Variants in HSF2BP observed in about 807,000 individuals in gnomAD.
HSF2BP encodes the protein heat shock transcription factor 2 binding protein.
HSF2BP carries 35 observed loss-of-function variants against 35.0 expected under a neutral mutation model. The observed-to-expected ratio is 1.00, with a 90% CI of 0.76 to 1.32. The LOEUF (loss-of-function observed/expected upper bound fraction) is 1.32. HSF2BP is among the 40% of genes most tolerant of loss of function. The pLI is 0.00. For missense variants in HSF2BP, 326 were observed against 321.7 expected (o/e 1.01, Z -0.10); for synonymous variants, 114 against 117.4 (o/e 0.97, Z 0.18).
At position 43,630,354 on chromosome 21, in the gene HSF2BP, T is replaced by A; in HGVS notation, c.542A>T (p.Gln181Leu). 6.2e-7 allele frequency: 1 copy of A among 1,612,918 alleles called. No homozygotes were observed. The highest frequency in any genetic ancestry group is 8.5e-7 in the Non-Finnish European group (1 of 1,179,644). Residue 181 changes from glutamine to leucine, a missense_variant, in exon 6 of 9, where the codon CAG becomes CTG. Coordinates refer to ENST00000291560, the MANE Select transcript of HSF2BP (RefSeq NM_007031.2). ...AATTCCAGCCAGAGCGAAAACAAAC[T>A]GACTTTCATCCGAATCCAGCTCCTG... ...DVQELDSDES[Q>L]FVFALAGIVT...
At chr21:43,637,631 AC>A (rs919912920) in intron 4 of HSF2BP, among the ~76,000 whole-genome samples, 4 of 151,190 alleles carry the variant, frequency 2.6e-5, no homozygotes, top group Non-Finnish European at 4.4e-5. Flanking sequence ...ACACAGCAAG[AC>A]CCTATCTCTA....
intron 5 of HSF2BP, 104 bp from the exon 6 acceptor site, chr21:43,630,558 T>C (rs1601695287): frequency 3.7e-6 from 5 of 1,336,206 alleles, no homozygotes; most frequent in Non-Finnish European, 4.9e-6. Flanking sequence ...TTGTAGAATA[T>C]TGTAAAATCT....
intron 7 of HSF2BP, among the ~76,000 whole-genome samples, chr21:43,612,425 G>C (rs1408590637): frequency 6.6e-6 from 1 of 152,170 alleles, no homozygotes; most frequent in Non-Finnish European, 1.5e-5. Context: ...GCCAAGGCGG[G>C]TGGATCACGA....
chr21:43,623,532 C>T (rs1259557833), intron 6 of HSF2BP, among the ~76,000 whole-genome samples: 2 of 152,190 alleles, frequency 1.3e-5, no homozygotes, highest in East Asian at 3.9e-4. Context: ...AGGTTATCTC[C>T]GTAGTCCAAC....
chr21:43,658,157 C>T lies in HSF2BP; in HGVS notation c.-61G>A. On this transcript the variant is annotated 5_prime_UTR_variant, in exon 2 of 9. Transcript: ENST00000291560. ...CGGCGCGCCCTCTGACCCCTCACGCCAGAAAGCGCGGGAACGAATCCACGC... is the reference window on the plus strand; with the variant it reads ...CGGCGCGCCCTCTGACCCCTCACGCTAGAAAGCGCGGGAACGAATCCACGC... The T allele has an allele frequency of 6.8e-7, 1 of 1,461,800 alleles. No homozygotes were observed. The highest frequency in any genetic ancestry group is 9.0e-7 in the Non-Finnish European group (1 of 1,108,928). The allele number at this position is 1,461,800 out of a possible 1,614,324, so 90.6% of individuals were successfully genotyped here. A position where few individuals can be genotyped will look rare whatever the true frequency, so the allele number is the denominator to read the frequency against.
intron 8 of HSF2BP, among the ~76,000 whole-genome samples, chr21:43,584,939 C>G (rs973244780): frequency 1.3e-5 from 2 of 152,112 alleles, no homozygotes; most frequent in African/African-American, 4.8e-5. Context: ...TCTCTGTTAA[C>G]CTCTCTGTCC....
At chr21:43,616,557 C>A (rs964679878) in intron 6 of HSF2BP, among the ~76,000 whole-genome samples, 1 of 152,218 alleles carries the variant, frequency 6.6e-6, no homozygotes, top group South Asian at 2.1e-4. Context: ...GCAGGAGAAT[C>A]ATTTGAACCC....
the HSF2BP span, among the ~76,000 whole-genome samples, chr21:43,499,843 TCA>T: frequency 2.6e-5 from 3 of 115,600 alleles, 1 homozygote; most frequent in Non-Finnish European, 3.9e-5. Flanking sequence ...CACAGCCACA[TCA>T]CACACCATAC....
intron 7 of HSF2BP, among the ~76,000 whole-genome samples, chr21:43,603,628 T>G (rs1314803487): frequency 6.6e-6 from 1 of 152,132 alleles, no homozygotes; most frequent in Non-Finnish European, 1.5e-5. Context: ...ACTGAAAAGC[T>G]ATGACCACTA....
intron 8 of HSF2BP, among the ~76,000 whole-genome samples, chr21:43,576,587 C>T (rs1421646213): frequency 6.6e-6 from 1 of 152,182 alleles, no homozygotes; most frequent in East Asian, 1.9e-4. Flanking sequence ...CCCTCCACTA[C>T]CACATCACAT....
At chr21:43,467,828 CACACACCACACACCACAT>C in the HSF2BP span, among the ~76,000 whole-genome samples, 5 of 139,804 alleles carry the variant, frequency 3.6e-5, no homozygotes, top group East Asian at 2.1e-4. Context: ...ACACACACCA[CACACACCACACACCACAT>C]ACACACCACA....
At position 43,649,243 on chromosome 21, in the gene HSF2BP, T is replaced by A. The variant is rs114412549; in HGVS notation, c.188-4851A>T. Among the ~76,000 whole-genome samples, 1,302 of 150,806 alleles carry A rather than the reference T, an allele frequency of 8.6e-3. 19 individuals are homozygous for A. Among genetic ancestry groups the A allele is most frequent in the African/African-American group, 0.029 (1,169 of 40,644 alleles). On this transcript the variant is annotated intron_variant, in intron 3 of 8. Coordinates refer to ENST00000291560, the MANE Select transcript of HSF2BP (RefSeq NM_007031.2). ...CTTTTGTTTGTTTTTCAGTTTGGGG[T>A]TTTTTTTATTTTTTTGAAAAAAAAT... is the stretch of plus-strand genomic sequence containing the variant.
intron 7 of HSF2BP, among the ~76,000 whole-genome samples, chr21:43,612,455 T>G (rs1013639332): frequency 6.6e-6 from 1 of 151,872 alleles, no homozygotes; most frequent in Non-Finnish European, 1.5e-5. Context: ...ATTGAGACCA[T>G]CCTGGCTAAC....
intron 3 of HSF2BP, among the ~76,000 whole-genome samples, chr21:43,646,334 A>T (rs2082708432): frequency 6.6e-6 from 1 of 152,222 alleles, no homozygotes; most frequent in Admixed American, 6.5e-5. Context: ...TATGCTTTAA[A>T]AACTACATAC....
intron 8 of HSF2BP, among the ~76,000 whole-genome samples, chr21:43,585,655 A>AC (rs1230612125): frequency 1.3e-5 from 2 of 152,140 alleles, no homozygotes; most frequent in Non-Finnish European, 2.9e-5. Context: ...CAAAAAAAAA[A>AC]AAAACACCTA....
Position 43,605,304 on chromosome 21 carries a change from C to T in HSF2BP, c.692+8526G>A, listed in dbSNP as rs542661930. On this transcript the variant is annotated intron_variant, in intron 7 of 8. Transcript: ENST00000291560. ...CACACATCACACCCCACACACAACACACCAGCTGACTGCACTAACTGCCCC... is the reference window on the plus strand; with the variant it reads ...CACACATCACACCCCACACACAACATACCAGCTGACTGCACTAACTGCCCC... 1.4e-4 allele frequency among the ~76,000 whole-genome samples: 21 copies of T among 150,682 alleles called. No individual in the cohort carries two copies. The East Asian group carries it at 3.9e-3, about 28-fold the overall frequency.
intron 6 of HSF2BP, among the ~76,000 whole-genome samples, chr21:43,628,475 G>A (rs1017579681): frequency 6.6e-6 from 1 of 152,226 alleles, no homozygotes; most frequent in African/African-American, 2.4e-5. Flanking sequence ...AAGGCTGACA[G>A]GGGTAAGGAA....
intron 3 of HSF2BP, among the ~76,000 whole-genome samples, chr21:43,649,522 G>A (rs2082754525): frequency 6.6e-6 from 1 of 152,044 alleles, no homozygotes; most frequent in Non-Finnish European, 1.5e-5. Context: ...TATTTTCAAT[G>A]ACCAAAACAA....
intron 4 of HSF2BP, among the ~76,000 whole-genome samples, chr21:43,635,428 A>G (rs566674021): frequency 1.3e-4 from 20 of 152,238 alleles, no homozygotes; most frequent in Non-Finnish European, 2.5e-4. Context: ...TTTAGAGGAA[A>G]AAACTAACTA....
Sources: gnomAD v4.1 joint callset for allele counts (sites outside exome capture counted in the v4.1 genomes callset) on GRCh38, gnomAD v4.1.1 for gene constraint, MANE v1.5 for transcripts, NCBI Gene and HGNC (gene_info 2026-07-23, HGNC 2026-07-21) for gene names.